The following THOC2 variants were observed in gnomAD, a reference collection of about 807,000 sequenced individuals.
THOC2 encodes THO complex 2.
Under a neutral mutation model 128.4 loss-of-function variants are expected in THOC2, and 10 were observed. That is an observed-to-expected ratio of 0.08 (90% CI 0.05 to 0.13). The LOEUF (loss-of-function observed/expected upper bound fraction) is 0.13, where lower values mean the gene tolerates loss of function less well. THOC2 is among the 10% of genes least tolerant of loss of function. THOC2 has a pLI of 1.00. For missense variants in THOC2, 535 were observed against 1,155.7 expected (o/e 0.46, Z 7.79); for synonymous variants, 393 against 396.9 (o/e 0.99, Z 0.12).
In THOC2 at chrX:123,692,497, T is replaced by C. The variant is rs1217684098; in HGVS notation, c.601+3524A>G. The stretch of plus-strand genomic sequence containing the variant: ...TCTTTTAGGAGCAAATAACTGCCTT[T>C]TTTTTTTTTTTTTTTTTTTTTTGAG... On this transcript the variant is annotated intron_variant, in intron 7 of 38. Transcript: ENST00000245838. Among the ~76,000 whole-genome samples, 7 of 84,071 alleles carry C rather than the reference T, an allele frequency of 8.3e-5. No individual in the cohort carries two copies. The South Asian group carries it at 3.6e-3, about 43-fold the overall frequency. 73.0% of individuals were successfully genotyped at this position (84,071 alleles called of 115,157 possible).
At chrX:123,608,325 C>T (rs1209438387) in intron 38 of THOC2, among the ~76,000 whole-genome samples, 1 of 107,133 alleles carries the variant, frequency 9.3e-6, no homozygotes. Flanking sequence ...CGCTTGAACC[C>T]GAGAGGTAGA....
intron 3 of THOC2, 151 bp from the exon 4 acceptor site, chrX:123,703,656 G>A (rs2050791041): frequency 3.0e-6 from 1 of 334,505 alleles, no homozygotes; most frequent in Middle Eastern, 8.9e-4. Context: ...GGGAGGCCGA[G>A]GAGGGCAGAT....
chrX:123,684,540 C>T (rs1374442908), intron 8 of THOC2, among the ~76,000 whole-genome samples: 1 of 111,546 alleles, frequency 9.0e-6, no homozygotes, highest in African/African-American at 3.3e-5. Flanking sequence ...CCCGCCACCA[C>T]GCCTGGCTAA....
At chrX:123,680,057 G>GACCGTCCCCCAGTCCGAC (rs1569415241) in intron 8 of THOC2, among the ~76,000 whole-genome samples, 1 of 111,765 alleles carries the variant, frequency 8.9e-6, no homozygotes. Context: ...GGAAAGACCT[G>GACCGTCCCCCAGTCCGAC]ACCGTCCCCC....
chrX:123,651,477 A>T (rs1270682007), intron 12 of THOC2, among the ~76,000 whole-genome samples: 1 of 111,925 alleles, frequency 8.9e-6, no homozygotes, highest in East Asian at 2.8e-4. Flanking sequence ...AGATAGAGAC[A>T]CAAAAAACCC....
At chrX:123,631,633 C>A in intron 22 of THOC2, 55 bp downstream of exon 22, 1 of 1,153,261 alleles carries the variant, frequency 8.7e-7, no homozygotes, top group East Asian at 3.0e-5. Context: ...CAGATAAAAC[C>A]GTTAAGAAAT....
At chrX:123,650,695 C>CA (rs888901582) in intron 12 of THOC2, among the ~76,000 whole-genome samples, 1 of 111,075 alleles carries the variant, frequency 9.0e-6, no homozygotes, top group African/African-American at 3.3e-5. Context: ...CAACAAAGAT[C>CA]AAAAAAAGAC....
At chrX:123,701,692 C>CAA (rs397972574) in intron 4 of THOC2, among the ~76,000 whole-genome samples, 931 of 81,215 alleles carry the variant, frequency 0.011, 5 homozygotes, top group Non-Finnish European at 0.016. Flanking sequence ...TATTTATTTG[C>CAA]AAAAAAAAAA....
chrX:123,681,352 T>C (rs936384737), intron 8 of THOC2, among the ~76,000 whole-genome samples: 2 of 109,367 alleles, frequency 1.8e-5, no homozygotes, highest in Non-Finnish European at 3.8e-5. Flanking sequence ...TGCAGATAAT[T>C]TGTTATTGAA....
intron 12 of THOC2, among the ~76,000 whole-genome samples, chrX:123,655,275 A>G (rs1474681162): frequency 6.2e-5 from 7 of 112,044 alleles, no homozygotes; most frequent in Middle Eastern, 9.2e-3. Flanking sequence ...TTTAAGCTAC[A>G]TAACCAAGAC....
At chrX:123,705,879 C>T (rs752802514) in intron 3 of THOC2, among the ~76,000 whole-genome samples, 1 of 111,425 alleles carries the variant, frequency 9.0e-6, no homozygotes, top group African/African-American at 3.3e-5. Flanking sequence ...TATGTATATA[C>T]AAGTTCATTA....
At chrX:123,608,316 G>A (rs2046561632) in intron 38 of THOC2, among the ~76,000 whole-genome samples, 1 of 106,988 alleles carries the variant, frequency 9.3e-6, no homozygotes, top group Non-Finnish European at 1.9e-5. Flanking sequence ...CAGGAGAATC[G>A]CTTGAACCCG....
chrX:123,617,061 A>G (rs2046922486), intron 33 of THOC2, among the ~76,000 whole-genome samples: 1 of 111,078 alleles, frequency 9.0e-6, no homozygotes, highest in South Asian at 3.7e-4. Flanking sequence ...CAGGCTAAAG[A>G]TAATCAACTT....
chrX:123,686,503 A>C (rs2050007928), intron 8 of THOC2, 45 bp downstream of exon 8: 1 of 1,014,885 alleles, frequency 9.9e-7, no homozygotes, highest in Admixed American at 2.8e-5. Context: ...AAACAAGATT[A>C]AGAAATCAAT....
At chrX:123,685,889 T>C (rs1485885648) in intron 8 of THOC2, among the ~76,000 whole-genome samples, 2 of 111,430 alleles carry the variant, frequency 1.8e-5, no homozygotes, top group African/African-American at 3.3e-5. Context: ...CAATAGCCAT[T>C]GTTTATAAAA....
chrX:123,726,255 G>C (rs1487831155), intron 1 of THOC2, among the ~76,000 whole-genome samples: 3 of 109,101 alleles, frequency 2.7e-5, no homozygotes, highest in African/African-American at 1.0e-4. Context: ...GTCTTTGAAA[G>C]AAGAATTTAA....
Position 123,665,528 on chromosome X carries a change from A to G in THOC2, c.1386+114T>C, listed in dbSNP as rs764069025. 4 of 508,347 alleles carry G rather than the reference A, an allele frequency of 7.9e-6. No homozygotes were observed. The East Asian group carries it at 1.2e-4, about 15-fold the overall frequency. 41.9% of individuals were successfully genotyped at this position (508,347 alleles called of 1,213,427 possible). On this transcript the variant is annotated intron_variant, in intron 12 of 38. Transcript: ENST00000245838. ...GAATTTTCCACAAACCTCACTCAACATAACCCTTTATTAAATGAGGTTCAT... is the reference window on the plus strand; with the variant it reads ...GAATTTTCCACAAACCTCACTCAACGTAACCCTTTATTAAATGAGGTTCAT...
At chrX:123,711,111 C>T (rs190456437) in intron 2 of THOC2, among the ~76,000 whole-genome samples, 3 of 103,058 alleles carry the variant, frequency 2.9e-5, no homozygotes, top group South Asian at 5.1e-4. Flanking sequence ...CTCTGCCTCC[C>T]GGGTTCAAGC....
At chrX:123,684,921 T>C (rs1464598497) in intron 8 of THOC2, among the ~76,000 whole-genome samples, 1 of 112,207 alleles carries the variant, frequency 8.9e-6, no homozygotes, top group African/African-American at 3.2e-5. Flanking sequence ...TCCAAGAGTA[T>C]AGAAACAGAC....
Sources: allele counts gnomAD v4.1 joint callset (sites outside exome capture counted in the v4.1 genomes callset), GRCh38; gene constraint gnomAD v4.1.1; transcripts MANE v1.5; gene names NCBI Gene and HGNC (gene_info 2026-07-23, HGNC 2026-07-21).